The following CDKN2B variants were observed in gnomAD, a reference collection of about 807,000 sequenced individuals.
The protein encoded by CDKN2B is cyclin-dependent kinase 4 inhibitor B.
In CDKN2B, 8 loss-of-function variants were observed where a neutral mutation model predicts 7.7. The ratio of observed to expected loss-of-function variants is 1.04; its 90% confidence interval spans 0.61 to 1.87. The LOEUF (loss-of-function observed/expected upper bound fraction) is 1.87. CDKN2B is among the 40% of genes most tolerant of loss of function. CDKN2B has a pLI of 0.00. For synonymous variants in CDKN2B, 93 were observed against 95.8 expected (o/e 0.97, Z 0.17); for missense variants, 244 against 213.1 (o/e 1.15, Z -0.90).
chr9:22,008,830 C>T lies in CDKN2B; in HGVS notation c.124G>A (p.Gly42Arg), dbSNP rs1218110940. The stretch of plus-strand genomic sequence containing the variant: ...GCGCGCCTCCCGAAACGGTTGACTC[C>T]GTTGGGATCCGCGCCGGCTTCCAGG... The part of the protein sequence containing the change: ...QLLEAGADPN[G>R]VNRFGRRAIQ... The change falls in exon 1 of 2, where the codon GGA (glycine) becomes AGA (arginine). Residue 42 changes from glycine (G) to arginine (R), a missense_variant. Transcript: ENST00000276925. 2.5e-6 allele frequency: 4 copies of T among 1,608,236 alleles called. No homozygotes were observed. The highest frequency in any genetic ancestry group is 3.4e-5 in the Admixed American group (2 of 59,278).
At position 22,005,917 on chromosome 9, in the gene CDKN2B, A is replaced by G; in HGVS notation, c.*70T>C. 1 of 1,572,516 alleles carries G rather than the reference A, an allele frequency of 6.4e-7. No individual in the cohort carries two copies. Among genetic ancestry groups the G allele is most frequent in the Non-Finnish European group, 8.6e-7 (1 of 1,165,590 alleles). ...CGCTCCCCGTTGGCAGCCTTCATCG[A>G]ATTAGGTGGGTGGGGGTGGGAAATT... On this transcript the variant is annotated 3_prime_UTR_variant, in exon 2 of 2. Coordinates refer to ENST00000276925, the MANE Select transcript of CDKN2B (RefSeq NM_004936.4). The surrounding 1 kb of genome is among the most constrained non-coding windows in gnomAD (Gnocchi z 4.9).
chr9:22,006,934 C>A lies in CDKN2B; in HGVS notation c.157-687G>T, dbSNP rs746677081. 6.6e-6 allele frequency among the ~76,000 whole-genome samples: 1 copy of A among 151,840 alleles called. No individual in the cohort carries two copies. The highest frequency in any genetic ancestry group is 1.5e-5 in the Non-Finnish European group (1 of 67,972). On this transcript the variant is annotated intron_variant, in intron 1 of 1. Transcript: ENST00000276925. The surrounding 1 kb of genome is among the most constrained non-coding windows in gnomAD (Gnocchi z 6.4). ...ATAAAATTATAATAAATGATTTTTC[C>A]TTAACAGTTCATCATTTTAAATTTA...
Position 22,004,079 on chromosome 9 carries a change from A to T in CDKN2B, c.*1908T>A. 1 of 232,674 alleles carries T rather than the reference A, an allele frequency of 4.3e-6. No individual in the cohort carries two copies. Among genetic ancestry groups the T allele is most frequent in the Non-Finnish European group, 8.5e-6 (1 of 117,708 alleles). The allele number at this position is 232,674 out of a possible 1,614,324, so 14.4% of individuals were successfully genotyped here. ...GCCTCATTGTCCTCATCTGGGAAACAATACCTATCTCTCAGGTTTAAATAT... is the reference window on the plus strand; with the variant it reads ...GCCTCATTGTCCTCATCTGGGAAACTATACCTATCTCTCAGGTTTAAATAT... On this transcript the variant is annotated 3_prime_UTR_variant, in exon 2 of 2. Coordinates refer to ENST00000276925, the MANE Select transcript of CDKN2B (RefSeq NM_004936.4).
At chr9:22,007,432 G>C (rs1477503116) in intron 1 of CDKN2B, among the ~76,000 whole-genome samples, 1 of 152,124 alleles carries the variant, frequency 6.6e-6, no homozygotes, top group African/African-American at 2.4e-5. Context: ...GCATAACTTA[G>C]AAAAAATGAT....
In CDKN2B at chr9:22,009,180, G is replaced by T; in HGVS notation, c.-227C>A. ...CTTTTCCTGGCGCTCAAGAACCAGC[G>T]GGCGCGCCTGGATTGCTTCTGGGAA... On this transcript the variant is annotated 5_prime_UTR_variant, in exon 1 of 2. Coordinates refer to ENST00000276925, the MANE Select transcript of CDKN2B (RefSeq NM_004936.4). 1 of 644,898 alleles carries T rather than the reference G, an allele frequency of 1.6e-6. No homozygotes were observed. The highest frequency in any genetic ancestry group is 2.7e-6 in the Non-Finnish European group (1 of 369,996). 39.9% of individuals were successfully genotyped at this position (644,898 alleles called of 1,614,324 possible). A position where few individuals can be genotyped will look rare whatever the true frequency, so the allele number is the denominator to read the frequency against.
In CDKN2B at chr9:22,006,748, T is replaced by C. The variant is rs1461392395; in HGVS notation, c.157-501A>G. Among the ~76,000 whole-genome samples, 2 of 152,074 alleles carry C rather than the reference T, an allele frequency of 1.3e-5. No individual in the cohort carries two copies. The highest frequency in any genetic ancestry group is 2.9e-5 in the Non-Finnish European group (2 of 68,038). On this transcript the variant is annotated intron_variant, in intron 1 of 1. Transcript: ENST00000276925. The surrounding 1 kb of genome is among the most constrained non-coding windows in gnomAD (Gnocchi z 6.4). The stretch of plus-strand genomic sequence containing the variant: ...GGGAGAAAATAAACAACTAAGTTTT[T>C]TTCTTTCTTTTTTTTTTAATTTATT...
chr9:22,005,112 A>ATG lies in CDKN2B; in HGVS notation c.*873_*874dup, dbSNP rs3028393. ...CATAAGGGGATTTCCGCATCCTAGC[A>ATG]TGTGTGTGTGTGTGTGTGTGTGTGT... On this transcript the variant is annotated 3_prime_UTR_variant, in exon 2 of 2. Coordinates refer to ENST00000276925, the MANE Select transcript of CDKN2B (RefSeq NM_004936.4). This position sits in a 1 kb window ranked among gnomAD's most constrained non-coding sequence, Gnocchi z 4.9. The ATG allele has an allele frequency of 0.55, 123,666 of 225,046 alleles. 28,150 individuals carry two copies. Among genetic ancestry groups the ATG allele is most frequent in the Non-Finnish European group, 0.61 (69,619 of 113,986 alleles). 13.9% of individuals were successfully genotyped at this position (225,046 alleles called of 1,614,324 possible).
rs1820986589 is a variant in CDKN2B at position 22,002,984 on chromosome 9, G to A, written c.*3003C>T. 5.0e-6 allele frequency: 1 copy of A among 199,792 alleles called. No homozygotes were observed. The highest frequency in any genetic ancestry group is 2.3e-5 in the African/African-American group (1 of 43,464). 12.4% of individuals were successfully genotyped at this position (199,792 alleles called of 1,614,324 possible). On this transcript the variant is annotated 3_prime_UTR_variant, in exon 2 of 2. Transcript: ENST00000276925. ...GGTAGTAGAATTTGTACAAACCTTG[G>A]TAATGTCTTAGGTTTAGATACGAAC...
At chr9:22,008,724 C>T (rs779222136) in intron 1 of CDKN2B, 74 bp downstream of exon 1, 11 of 1,611,198 alleles carry the variant, frequency 6.8e-6, no homozygotes, top group South Asian at 1.1e-5. Context: ...GATCTAGGTT[C>T]CAGCCCCGAT....
At position 22,004,912 on chromosome 9, in the gene CDKN2B, C is replaced by G. The variant is rs968052850; in HGVS notation, c.*1075G>C. 1.3e-5 allele frequency: 3 copies of G among 233,244 alleles called. No homozygotes were observed. The highest frequency in any genetic ancestry group is 6.6e-5 in the African/African-American group (3 of 45,448). 14.4% of individuals were successfully genotyped at this position (233,244 alleles called of 1,614,324 possible). A position where few individuals can be genotyped will look rare whatever the true frequency, so the allele number is the denominator to read the frequency against. ...ATAAATAGGTTAAGAAGAAAGCAAT[C>G]TAGGCGTTTGCACTGAGTTTGCAAC... On this transcript the variant is annotated 3_prime_UTR_variant, in exon 2 of 2. Transcript: ENST00000276925.
At chr9:22,008,476 G>T (rs185259888) in intron 1 of CDKN2B, among the ~76,000 whole-genome samples, 3 of 152,200 alleles carry the variant, frequency 2.0e-5, no homozygotes, top group Non-Finnish European at 2.9e-5. Flanking sequence ...ATCGTTGAAA[G>T]CAGACAGACA....
intron 1 of CDKN2B, among the ~76,000 whole-genome samples, chr9:22,007,801 A>G (rs1378099426): frequency 2.6e-5 from 4 of 152,162 alleles, no homozygotes; most frequent in Non-Finnish European, 5.9e-5. Flanking sequence ...TTTTATAATT[A>G]TTAATAAAAT....
rs544145698 is a variant in CDKN2B at position 22,009,292 on chromosome 9, C to G, written c.-339G>C. Reference sequence around the variant, plus strand: ...TCGCGGAGTCCTCACTGCCCCGCCTCGCTCTGGCAGAGTGGGGAGCCAGCC... The same window carrying G: ...TCGCGGAGTCCTCACTGCCCCGCCTGGCTCTGGCAGAGTGGGGAGCCAGCC... On this transcript the variant is annotated 5_prime_UTR_variant, in exon 1 of 2. Coordinates refer to ENST00000276925, the MANE Select transcript of CDKN2B (RefSeq NM_004936.4). 2.9e-4 allele frequency: 135 copies of G among 469,176 alleles called. 1 individual carries two copies. In the South Asian group the frequency reaches 3.2e-3, roughly 11 times the overall value. The allele number at this position is 469,176 out of a possible 1,614,324, so 29.1% of individuals were successfully genotyped here. A position where few individuals can be genotyped will look rare whatever the true frequency, so the allele number is the denominator to read the frequency against.
In CDKN2B at chr9:22,006,223, C is replaced by T. The variant is rs752675430; in HGVS notation, c.181G>A (p.Val61Met). The part of the protein sequence containing the change: ...IQVMMMGSAR[V>M]AELLLLHGAE... ...CCGTGGAGCAGCAGCAGCTCCGCCACGCGGGCGCTGCCCATCATCATGACC... is the reference window on the plus strand; with the variant it reads ...CCGTGGAGCAGCAGCAGCTCCGCCATGCGGGCGCTGCCCATCATCATGACC... The change falls in exon 2 of 2, where the codon GTG becomes ATG. Residue 61 changes from valine to methionine, a missense_variant. Coordinates refer to ENST00000276925, the MANE Select transcript of CDKN2B (RefSeq NM_004936.4). The surrounding 1 kb of genome is among the most constrained non-coding windows in gnomAD (Gnocchi z 6.4). 9.3e-6 allele frequency: 15 copies of T among 1,606,828 alleles called. No individual in the cohort carries two copies. Among genetic ancestry groups the T allele is most frequent in the Non-Finnish European group, 1.2e-5 (14 of 1,179,860 alleles).
In CDKN2B at chr9:22,006,478, C is replaced by G. The variant is rs910006813; in HGVS notation, c.157-231G>C. ...TACAAATTAAATGCCATTTTATTCT[C>G]TAAACGTGCAGAGACAAGAAAGTTG... is the stretch of plus-strand genomic sequence containing the variant. On this transcript the variant is annotated intron_variant, in intron 1 of 1. Coordinates refer to ENST00000276925, the MANE Select transcript of CDKN2B (RefSeq NM_004936.4). The surrounding 1 kb of genome is among the most constrained non-coding windows in gnomAD (Gnocchi z 6.4). Among the ~76,000 whole-genome samples the G allele has an allele frequency of 1.3e-5, 2 of 152,190 alleles. No homozygotes were observed. Among genetic ancestry groups the G allele is most frequent in the Non-Finnish European group, 2.9e-5 (2 of 68,032 alleles).
chr9:22,006,227 G>A lies in CDKN2B; in HGVS notation c.177C>T (p.Ala59=). 6.2e-7 allele frequency: 1 copy of A among 1,606,614 alleles called. No individual in the cohort carries two copies. Among genetic ancestry groups the A allele is most frequent in the Non-Finnish European group, 8.5e-7 (1 of 1,179,838 alleles). Residue 59 remains alanine (A), a synonymous_variant, in exon 2 of 2, where the codon GCC becomes GCT. Coordinates refer to ENST00000276925, the MANE Select transcript of CDKN2B (RefSeq NM_004936.4). The surrounding 1 kb of genome is among the most constrained non-coding windows in gnomAD (Gnocchi z 6.4). The stretch of plus-strand genomic sequence containing the variant: ...GGAGCAGCAGCAGCTCCGCCACGCG[G>A]GCGCTGCCCATCATCATGACCTGCC... The part of the protein sequence containing the change: ...RAIQVMMMGS[A]RVAELLLLHG...
Position 22,004,940 on chromosome 9 carries a change from T to C in CDKN2B, c.*1047A>G, listed in dbSNP as rs1171070068. The C allele has an allele frequency of 4.3e-6, 1 of 233,224 alleles. No homozygotes were observed. Among genetic ancestry groups the C allele is most frequent in the Non-Finnish European group, 8.5e-6 (1 of 118,074 alleles). The allele number at this position is 233,224 out of a possible 1,614,324, so 14.4% of individuals were successfully genotyped here. A position where few individuals can be genotyped will look rare whatever the true frequency, so the allele number is the denominator to read the frequency against. The stretch of plus-strand genomic sequence containing the variant: ...GGCGTTTGCACTGAGTTTGCAACAG[T>C]GCCATTGCTACATTTAAGAGCTGTA... On this transcript the variant is annotated 3_prime_UTR_variant, in exon 2 of 2. Transcript: ENST00000276925.
chr9:22,008,614 TC>T (rs1312510603), intron 1 of CDKN2B, 183 bp downstream of exon 1: 1 of 1,552,152 alleles, frequency 6.4e-7, no homozygotes, highest in African/African-American at 1.4e-5. Context: ...AGTGGGTTTT[TC>T]AATGTCTCTC....
rs952618947 is a variant in CDKN2B at position 22,005,146 on chromosome 9, G to A, written c.*841C>T. On this transcript the variant is annotated 3_prime_UTR_variant, in exon 2 of 2. Transcript: ENST00000276925. This position sits in a 1 kb window ranked among gnomAD's most constrained non-coding sequence, Gnocchi z 4.9. ...TGTGTGTGTGTGTGTGTGTGTGAAA[G>A]AAAACGTTACAGTTAACCGTTACAA... 1 of 229,620 alleles carries A rather than the reference G, an allele frequency of 4.4e-6. No individual in the cohort carries two copies. Among genetic ancestry groups the A allele is most frequent in the Non-Finnish European group, 8.6e-6 (1 of 116,766 alleles). The allele number at this position is 229,620 out of a possible 1,614,324, so 14.2% of individuals were successfully genotyped here. A position where few individuals can be genotyped will look rare whatever the true frequency, so the allele number is the denominator to read the frequency against.
Sources: gnomAD v4.1 joint callset for allele counts (sites outside exome capture counted in the v4.1 genomes callset) on GRCh38, gnomAD v4.1.1 for gene constraint, Gnocchi (gnomAD v3.1) non-coding constraint, MANE v1.5 for transcripts, NCBI Gene and HGNC (gene_info 2026-07-23, HGNC 2026-07-21) for gene names.